Variants in CPS1 observed in about 807,000 individuals in gnomAD.
CPS1 encodes carbamoyl-phosphate synthase [ammonia], mitochondrial.
A neutral mutation model predicts 174.6 loss-of-function variants in CPS1; 109 were observed. The observed-to-expected ratio is 0.62, with a 90% CI of 0.53 to 0.73. The LOEUF (loss-of-function observed/expected upper bound fraction) is 0.73. CPS1 is among the 30% of genes least tolerant of loss of function. The pLI is 0.00. For synonymous variants in CPS1, 637 were observed against 632.0 expected (o/e 1.01, Z -0.12); for missense variants, 1,689 against 1,821.9 (o/e 0.93, Z 1.33).
chr2:210,550,806 C>T (rs914190618), intron 1 of CPS1, among the ~76,000 whole-genome samples: 5 of 151,704 alleles, frequency 3.3e-5, no homozygotes, highest in African/African-American at 1.2e-4. Flanking sequence ...ATTTATTACA[C>T]AAGAATAATA....
At chr2:210,533,677 T>A (rs1696173927) in intron 1 of CPS1, among the ~76,000 whole-genome samples, 1 of 152,178 alleles carries the variant, frequency 6.6e-6, no homozygotes, top group Non-Finnish European at 1.5e-5. Flanking sequence ...TTTATCTGAC[T>A]CTGTAAAACT....
intron 1 of CPS1, among the ~76,000 whole-genome samples, chr2:210,559,973 A>G (rs1697045142): frequency 6.6e-6 from 1 of 152,270 alleles, no homozygotes; most frequent in Non-Finnish European, 1.5e-5. Context: ...GACTTAGTAG[A>G]GGGTTAGATC....
intron 1 of CPS1, among the ~76,000 whole-genome samples, chr2:210,487,072 G>A (rs761255927): frequency 1.3e-5 from 2 of 152,042 alleles, no homozygotes; most frequent in Non-Finnish European, 2.9e-5. Context: ...AATATACATT[G>A]AAGCATGTCT....
At chr2:210,674,433 C>T (rs1328719429) in intron 34 of CPS1, 1 of 155,156 alleles carries the variant, frequency 6.4e-6, no homozygotes, top group Non-Finnish European at 1.4e-5. Context: ...CGTGCCATTG[C>T]ACTCCAGCCT....
chr2:210,498,186 C>A (rs1316550508), intron 1 of CPS1, among the ~76,000 whole-genome samples: 1 of 151,620 alleles, frequency 6.6e-6, no homozygotes, highest in African/African-American at 2.4e-5. Flanking sequence ...AGCATTTTTT[C>A]ATGTTTGCTG....
chr2:210,484,530 C>T (rs1475859309), intron 1 of CPS1, among the ~76,000 whole-genome samples: 2 of 152,112 alleles, frequency 1.3e-5, no homozygotes, highest in South Asian at 4.1e-4. Flanking sequence ...AAACTTGAGA[C>T]ATTTACATTT....
chr2:210,571,629 C>T (rs1249319410), intron 1 of CPS1, among the ~76,000 whole-genome samples: 1 of 151,814 alleles, frequency 6.6e-6, no homozygotes, highest in East Asian at 1.9e-4. Flanking sequence ...TAAAGGTAAT[C>T]AAGACATTAT....
chr2:210,517,637 G>A (rs1421329679), intron 1 of CPS1, among the ~76,000 whole-genome samples: 2 of 151,944 alleles, frequency 1.3e-5, no homozygotes, highest in African/African-American at 4.8e-5. Context: ...AAAAATGATA[G>A]CAGTTATTCC....
intron 1 of CPS1, among the ~76,000 whole-genome samples, chr2:210,510,049 A>G (rs952202181): frequency 1.3e-5 from 2 of 152,204 alleles, no homozygotes; most frequent in African/African-American, 2.4e-5. Context: ...ATGGAACCAA[A>G]AAAGAGCCCG....
chr2:210,625,702 A>G (rs1387140987), intron 21 of CPS1, among the ~76,000 whole-genome samples: 1 of 152,100 alleles, frequency 6.6e-6, no homozygotes, highest in African/African-American at 2.4e-5. Flanking sequence ...TGCATGGTTT[A>G]GAGAGAGAAG....
chr2:210,668,835 T>C (rs1701193959), intron 34 of CPS1, among the ~76,000 whole-genome samples: 1 of 152,190 alleles, frequency 6.6e-6, no homozygotes, highest in Non-Finnish European at 1.5e-5. Flanking sequence ...AATCCAACGT[T>C]TCTCAAACTG....
chr2:210,567,424 G>A (rs1340485138), intron 1 of CPS1, among the ~76,000 whole-genome samples: 1 of 152,040 alleles, frequency 6.6e-6, no homozygotes, highest in Non-Finnish European at 1.5e-5. Flanking sequence ...GTATAGAAAT[G>A]TAATATTGTA....
intron 10 of CPS1, among the ~76,000 whole-genome samples, chr2:210,592,232 T>C (rs752230678): frequency 4.6e-5 from 7 of 152,078 alleles, no homozygotes; most frequent in Non-Finnish European, 1.0e-4. Context: ...CCAGAGTTTT[T>C]AAATACACTA....
chr2:210,670,234 G>A (rs12995914), intron 34 of CPS1, among the ~76,000 whole-genome samples: 25,985 of 151,948 alleles, frequency 0.17, 2,332 homozygotes, highest in African/African-American at 0.22. Flanking sequence ...GTACTTAAAG[G>A]AACTTAATAA....
chr2:210,600,788 A>G, intron 15 of CPS1, 76 bp downstream of exon 15: 3 of 1,452,188 alleles, frequency 2.1e-6, no homozygotes, highest in Non-Finnish European at 1.9e-6. Context: ...TTCATGCCTA[A>G]TAATAATAGT....
At position 210,642,662 on chromosome 2, in the gene CPS1, G is replaced by C. The variant is rs1307683857; in HGVS notation, c.3138G>C (p.Gln1046His). The C allele has an allele frequency of 6.2e-7, 1 of 1,613,644 alleles. No individual in the cohort carries two copies. The highest frequency in any genetic ancestry group is 1.3e-5 in the African/African-American group (1 of 74,846). ...SLERILDIYH[Q>H]EACGGCIISV... The stretch of plus-strand genomic sequence containing the variant: ...AGAGAATCCTAGACATCTACCATCA[G>C]GAGGTAAGAAAAGAAAAACAGAAAA... Residue 1046 changes from glutamine to histidine, a missense_variant, in exon 25 of 38, where the codon CAG (glutamine) becomes CAC (histidine). Physicochemically the swap from Gln to His is conservative, Grantham distance 24 (BLOSUM62 0). Transcript: ENST00000233072.
chr2:210,485,472 A>G (rs1574458969), intron 1 of CPS1, among the ~76,000 whole-genome samples: 1 of 152,072 alleles, frequency 6.6e-6, no homozygotes, highest in East Asian at 1.9e-4. Context: ...ACAATCACTG[A>G]TCTGCTGTCT....
Position 210,592,910 on chromosome 2 carries a change from C to T in CPS1, c.1118C>T (p.Ala373Val). ...ATGCATGAGAGCAAACCCTTCTTCG[C>T]TGTGCAGTTCCACCCAGAGGTCACC... ...GIMHESKPFF[A>V]VQFHPEVTPG... Residue 373 changes from alanine to valine, a missense_variant, in exon 11 of 38, where the codon GCT (alanine) becomes GTT (valine). By Grantham distance (64) the Ala-to-Val change is moderately conservative. Coordinates refer to ENST00000233072, the MANE Select transcript of CPS1 (RefSeq NM_001875.5). 6.2e-7 allele frequency: 1 copy of T among 1,612,436 alleles called. No individual in the cohort carries two copies. The highest frequency in any genetic ancestry group is 8.5e-7 in the Non-Finnish European group (1 of 1,179,014).
chr2:210,516,363 A>G (rs576150795), intron 1 of CPS1, among the ~76,000 whole-genome samples: 1 of 151,866 alleles, frequency 6.6e-6, no homozygotes, highest in African/African-American at 2.4e-5. Context: ...ACCTCATCCA[A>G]TTGATTCACA....
Sources: gnomAD v4.1 joint callset for allele counts (sites outside exome capture counted in the v4.1 genomes callset) on GRCh38, gnomAD v4.1.1 for gene constraint, MANE v1.5 for transcripts, NCBI Gene and HGNC (gene_info 2026-07-23, HGNC 2026-07-21) for gene names.